The following TRDN variants were observed in gnomAD, a reference collection of about 807,000 sequenced individuals.
TRDN encodes the protein triadin.
A neutral mutation model predicts 149.7 loss-of-function variants in TRDN; 161 were observed. The observed-to-expected ratio is 1.08, with a 90% CI of 0.95 to 1.23. The LOEUF is 1.23. Ranked by LOEUF, TRDN falls within the 50% of genes most tolerant of loss-of-function variation. The pLI is 0.00. For synonymous variants in TRDN, 294 were observed against 250.5 expected (o/e 1.17, Z -1.64); for missense variants, 896 against 823.5 (o/e 1.09, Z -1.08).
chr6:123,463,125 C>A (rs534925187), intron 10 of TRDN: 1 of 152,074 alleles, frequency 6.6e-6, no homozygotes, highest in African/African-American at 2.4e-5. Context: ...ATCACGAGGT[C>A]AGGAGATTGA....
At chr6:123,331,970 A>G (rs1454517705) in intron 22 of TRDN, 41 bp from the exon 23 acceptor site, 1 of 1,420,086 alleles carries the variant, frequency 7.0e-7, no homozygotes, top group Non-Finnish European at 9.6e-7. Context: ...GCCAAGACAA[A>G]GAGATTTTCA....
rs560684443 is a variant in TRDN at position 123,254,473 on chromosome 6, T to G, written c.1951+608A>C. On this transcript the variant is annotated intron_variant, in intron 37 of 40. Transcript: ENST00000334268. ...TTGTCTTAGTTATGATATGTTTACCTAGCACCTTCGAATTTAAAGCACTTT... is the reference window on the plus strand; with the variant it reads ...TTGTCTTAGTTATGATATGTTTACCGAGCACCTTCGAATTTAAAGCACTTT... Among the ~76,000 whole-genome samples the G allele has an allele frequency of 8.5e-5, 13 of 152,186 alleles. No homozygotes were observed. In the East Asian group the frequency reaches 2.5e-3, roughly 29 times the overall value.
intron 1 of TRDN, among the ~76,000 whole-genome samples, chr6:123,611,425 A>AAATAATTTTT (rs1282888268): frequency 2.0e-4 from 30 of 152,278 alleles, no homozygotes; most frequent in African/African-American, 6.0e-4. Context: ...AATAAAAATG[A>AAATAATTTTT]AATAATTTTT....
At chr6:123,419,692 C>T (rs1773812501) in intron 12 of TRDN, among the ~76,000 whole-genome samples, 1 of 152,272 alleles carries the variant, frequency 6.6e-6, no homozygotes, top group African/African-American at 2.4e-5. Flanking sequence ...CACAATCATC[C>T]ACACTGGACA....
chr6:123,414,838 A>G (rs759881262), intron 12 of TRDN, among the ~76,000 whole-genome samples: 2 of 152,150 alleles, frequency 1.3e-5, no homozygotes, highest in Non-Finnish European at 2.9e-5. Context: ...TCATTCTCCT[A>G]GGTAAAAATG....
At chr6:123,536,815 T>A (rs999068582) in intron 4 of TRDN, among the ~76,000 whole-genome samples, 2 of 151,784 alleles carry the variant, frequency 1.3e-5, no homozygotes, top group Non-Finnish European at 2.9e-5. Flanking sequence ...GCCCAGGAGG[T>A]TGAGGCTGCA....
intron 1 of TRDN, among the ~76,000 whole-genome samples, chr6:123,575,220 T>C (rs992161950): frequency 1.3e-5 from 2 of 151,962 alleles, no homozygotes; most frequent in Non-Finnish European, 2.9e-5. Flanking sequence ...AATTTGAAAG[T>C]AATCTGAAGG....
intron 5 of TRDN, among the ~76,000 whole-genome samples, chr6:123,523,126 A>G (rs1779770602): frequency 6.6e-6 from 1 of 152,180 alleles, no homozygotes; most frequent in South Asian, 2.1e-4. Context: ...CCCCCAGTGA[A>G]GAACAGCAGT....
At chr6:123,403,370 G>A (rs1773061002) in intron 12 of TRDN, among the ~76,000 whole-genome samples, 1 of 152,008 alleles carries the variant, frequency 6.6e-6, no homozygotes, top group Non-Finnish European at 1.5e-5. Flanking sequence ...GAAGTGAGTG[G>A]AATCCATTCC....
intron 19 of TRDN, among the ~76,000 whole-genome samples, chr6:123,369,588 C>A (rs886508830): frequency 6.6e-5 from 10 of 152,200 alleles, no homozygotes; most frequent in African/African-American, 1.9e-4. Context: ...ATACTCTTAA[C>A]AAAAGTTGAA....
chr6:123,499,985 T>C (rs1328667767), intron 8 of TRDN, among the ~76,000 whole-genome samples: 5 of 151,610 alleles, frequency 3.3e-5, no homozygotes, highest in Non-Finnish European at 7.4e-5. Context: ...CTGCAGGGAA[T>C]CCTGAAACCT....
chr6:123,489,644 T>C (rs973571007), intron 9 of TRDN: 2 of 152,186 alleles, frequency 1.3e-5, no homozygotes, highest in African/African-American at 2.4e-5. Context: ...CTTTTTTTTC[T>C]TATATTAAGC....
chr6:123,274,348 A>T (rs189356531), intron 27 of TRDN, among the ~76,000 whole-genome samples: 165 of 152,246 alleles, frequency 1.1e-3, no homozygotes, highest in African/African-American at 3.9e-3. Flanking sequence ...TAAAGCCATA[A>T]GTTAAGCATG....
rs1783736625 is a variant in TRDN at position 123,590,709 on chromosome 6, C to T, written c.23-19577G>A. ...CTCTGGAAGCAGAGGTTGCAGTGAG[C>T]CAAGACCGTGCCCATTCTACTCCAG... On this transcript the variant is annotated intron_variant, in intron 1 of 40. Coordinates refer to ENST00000334268, the MANE Select transcript of TRDN (RefSeq NM_006073.4). Among the ~76,000 whole-genome samples the T allele has an allele frequency of 2.0e-5, 3 of 152,078 alleles. 1 individual carries two copies. In the South Asian group the frequency reaches 6.2e-4, roughly 32 times the overall value.
chr6:123,472,308 G>C (rs918434834), intron 9 of TRDN, among the ~76,000 whole-genome samples: 5 of 152,198 alleles, frequency 3.3e-5, no homozygotes, highest in Admixed American at 1.3e-4. Context: ...CCGAGTCAAA[G>C]AAAGGGGTGA....
rs1777008916 is a variant in TRDN, at chr6:123,266,680, T to TATATATTATA, written c.1783+1026_1783+1027insTATAATATAT. ...TGTATAATATGTATATATTATAATA[T>TATATATTATA]ATATGTAATATATTATAATATGTAT... On this transcript the variant is annotated intron_variant, in intron 32 of 40. Coordinates refer to ENST00000334268, the MANE Select transcript of TRDN (RefSeq NM_006073.4). Among the ~76,000 whole-genome samples the TATATATTATA allele has an allele frequency of 7.8e-4, 3 of 3,866 alleles. 1 individual carries two copies. Among genetic ancestry groups the TATATATTATA allele is most frequent in the Non-Finnish European group, 1.2e-3 (3 of 2,606 alleles). The allele number at this position is 3,866 out of a possible 152,430, so 2.5% of individuals were successfully genotyped here.
chr6:123,288,207 G>C (rs983270094), intron 24 of TRDN, among the ~76,000 whole-genome samples: 2 of 151,906 alleles, frequency 1.3e-5, no homozygotes, highest in African/African-American at 4.8e-5. Flanking sequence ...AAAGAAATTG[G>C]GCTCTTATTT....
intron 2 of TRDN, among the ~76,000 whole-genome samples, chr6:123,566,154 G>T (rs767192740): frequency 1.3e-5 from 2 of 152,222 alleles, no homozygotes; most frequent in Admixed American, 6.5e-5. Flanking sequence ...TAAGTAAGAA[G>T]TGTGGTGTAG....
At position 123,530,560 on chromosome 6, in the gene TRDN, G is replaced by A. The variant is rs79182520; in HGVS notation, c.430C>T (p.His144Tyr). 2,796 of 1,240,332 alleles carry A rather than the reference G, an allele frequency of 2.3e-3. 103 individuals carry two copies. In the East Asian group the frequency reaches 0.076, roughly 34 times the overall value. The allele number at this position is 1,240,332 out of a possible 1,614,324, so 76.8% of individuals were successfully genotyped here. ...DEPPLRKKEIHKDKTEKQEKP... is the reference protein window; with the variant it reads ...DEPPLRKKEIYKDKTEKQEKP... The stretch of plus-strand genomic sequence containing the variant: ...TCTTGTTTTTCAGTCTTATCTTTGT[G>A]TATTTCTAAGAAAAAATAGAATTTA... Residue 144 changes from histidine (H) to tyrosine (Y), a missense_variant, in exon 5 of 41, where the codon CAC (histidine) becomes TAC (tyrosine). By Grantham distance (83) the His-to-Tyr change is moderately conservative (BLOSUM62 2). Transcript: ENST00000334268.
Sources: gnomAD v4.1 joint callset for allele counts (sites outside exome capture counted in the v4.1 genomes callset) on GRCh38, gnomAD v4.1.1 for gene constraint, MANE v1.5 for transcripts, NCBI Gene and HGNC (gene_info 2026-07-23, HGNC 2026-07-21) for gene names.